Variants in SGCZ observed in about 807,000 individuals in gnomAD.
The protein encoded by SGCZ is sarcoglycan zeta.
SGCZ carries 40 observed loss-of-function variants against 41.3 expected under a neutral mutation model. That is an observed-to-expected ratio of 0.97 (90% CI 0.75 to 1.26). The LOEUF is 1.26. Among genes scored for constraint, SGCZ ranks in the 50% most tolerant of loss-of-function variants. The probability of loss-of-function intolerance (pLI) is 0.00; values close to 1 mark genes in which losing one functional copy is unlikely to be tolerated. For missense variants in SGCZ, 552 were observed against 369.8 expected, an observed-to-expected ratio of 1.49 and a Z score of -4.04; for synonymous variants, 206 against 137.5, an observed-to-expected ratio of 1.50 and a Z score of -3.49.
intron 2 of SGCZ, among the ~76,000 whole-genome samples, chr8:14,368,137 T>A (rs1042002935): frequency 6.6e-6 from 1 of 152,018 alleles, no homozygotes; most frequent in African/African-American, 2.4e-5. Context: ...TGGACATGAG[T>A]GTGCTTCTAA....
At chr8:14,347,767 T>C (rs1490895790) in intron 2 of SGCZ, among the ~76,000 whole-genome samples, 1 of 152,088 alleles carries the variant, frequency 6.6e-6, no homozygotes, top group African/African-American at 2.4e-5. Context: ...GGAAAGAACA[T>C]CAATGAGATT....
At chr8:14,417,146 G>C (rs1322112657) in intron 2 of SGCZ, among the ~76,000 whole-genome samples, 2 of 151,798 alleles carry the variant, frequency 1.3e-5, no homozygotes, top group Non-Finnish European at 2.9e-5. Flanking sequence ...AGACTTCTTA[G>C]AGATAAAACT....
chr8:14,414,778 C>T lies in SGCZ; in HGVS notation c.235-90574G>A, dbSNP rs189619148. Among the ~76,000 whole-genome samples the T allele has an allele frequency of 3.3e-5, 5 of 151,858 alleles. No homozygotes were observed. In the East Asian group the frequency reaches 9.7e-4, roughly 29 times the overall value. ...GGCTTCTAATTAGGACATGAAGAGACAGGTAAATAAAGCCATATGTTAGTA... is the reference window on the plus strand; with the variant it reads ...GGCTTCTAATTAGGACATGAAGAGATAGGTAAATAAAGCCATATGTTAGTA... On this transcript the variant is annotated intron_variant, in intron 2 of 7. Coordinates refer to ENST00000382080, the MANE Select transcript of SGCZ (RefSeq NM_139167.4).
chr8:14,810,027 G>C (rs1474776365), intron 1 of SGCZ, among the ~76,000 whole-genome samples: 3 of 151,978 alleles, frequency 2.0e-5, no homozygotes, highest in Admixed American at 2.0e-4. Flanking sequence ...TCAAGAAAAA[G>C]TATATCTTTT....
intron 4 of SGCZ, among the ~76,000 whole-genome samples, chr8:14,180,941 T>G (rs1804704138): frequency 6.6e-6 from 1 of 151,810 alleles, no homozygotes; most frequent in Non-Finnish European, 1.5e-5. Context: ...CTATACTTGA[T>G]AGAAATCTAA....
chr8:14,923,504 C>G (rs1050625765), intron 1 of SGCZ, among the ~76,000 whole-genome samples: 1 of 152,142 alleles, frequency 6.6e-6, no homozygotes, highest in Non-Finnish European at 1.5e-5. Context: ...TTTTTTTACA[C>G]AGTTACGAAA....
intron 1 of SGCZ, among the ~76,000 whole-genome samples, chr8:14,997,015 T>C (rs1802242177): frequency 6.6e-6 from 1 of 152,232 alleles, no homozygotes; most frequent in Admixed American, 6.5e-5. Context: ...AGTTATGTTG[T>C]GGGATTTCTC....
intron 1 of SGCZ, among the ~76,000 whole-genome samples, chr8:14,916,322 T>A (rs1016398885): frequency 1.9e-4 from 29 of 152,056 alleles, no homozygotes; most frequent in Admixed American, 2.0e-4. Flanking sequence ...AAAACCCAAA[T>A]CACATTTCTT....
intron 1 of SGCZ, among the ~76,000 whole-genome samples, chr8:15,217,049 C>CT (rs1352613191): frequency 6.2e-4 from 94 of 150,684 alleles, no homozygotes; most frequent in African/African-American, 2.1e-3. Flanking sequence ...CGCTTATATT[C>CT]TTAAAAAAAA....
At chr8:14,288,840 T>A (rs1800739367) in intron 3 of SGCZ, among the ~76,000 whole-genome samples, 1 of 152,180 alleles carries the variant, frequency 6.6e-6, no homozygotes, top group Non-Finnish European at 1.5e-5. Context: ...TTCTTATCTT[T>A]TGGATGACTG....
Position 15,142,743 on chromosome 8 carries a change from C to T in SGCZ, c.39+94842G>A, listed in dbSNP as rs374465828. On this transcript the variant is annotated intron_variant, in intron 1 of 7. Transcript: ENST00000382080. ...CCTCCAACCTCAGCCTCCCGAGTAG[C>T]TGGGCCTACAGGCACACATCACCGC... Among the ~76,000 whole-genome samples, 7 of 151,564 alleles carry T rather than the reference C, an allele frequency of 4.6e-5. No homozygotes were observed. In the East Asian group the frequency reaches 1.4e-3, roughly 30 times the overall value.
At chr8:14,440,490 A>G (rs2117365859) in intron 2 of SGCZ, among the ~76,000 whole-genome samples, 1 of 152,122 alleles carries the variant, frequency 6.6e-6, no homozygotes. Context: ...TGTGTTTACC[A>G]CAACAATTTA....
intron 2 of SGCZ, among the ~76,000 whole-genome samples, chr8:14,340,138 T>C (rs182526778): frequency 6.6e-6 from 1 of 152,242 alleles, no homozygotes; most frequent in East Asian, 1.9e-4. Flanking sequence ...TTGTTTCAAT[T>C]CTGTTTTTTT....
chr8:14,492,675 T>C (rs1793127048), intron 2 of SGCZ, among the ~76,000 whole-genome samples: 1 of 152,190 alleles, frequency 6.6e-6, no homozygotes, highest in African/African-American at 2.4e-5. Context: ...CTGCTACCAC[T>C]TTCACCATCT....
chr8:15,190,078 C>T (rs1433797919), intron 1 of SGCZ, among the ~76,000 whole-genome samples: 2 of 152,126 alleles, frequency 1.3e-5, no homozygotes, highest in African/African-American at 2.4e-5. Context: ...CCCAATTCTG[C>T]ATATGCCAGG....
chr8:14,757,130 C>A (rs1257824660), intron 1 of SGCZ, among the ~76,000 whole-genome samples: 2 of 152,136 alleles, frequency 1.3e-5, no homozygotes, highest in Non-Finnish European at 2.9e-5. Context: ...CCCACTGCAA[C>A]CTCAGCCTAC....
intron 4 of SGCZ, among the ~76,000 whole-genome samples, chr8:14,192,907 G>A (rs150174532): frequency 1.3e-5 from 2 of 152,100 alleles, no homozygotes; most frequent in Admixed American, 6.6e-5. Context: ...TACATTATAT[G>A]TTTATGATTG....
At chr8:14,388,060 A>T (rs1804637519) in intron 2 of SGCZ, among the ~76,000 whole-genome samples, 1 of 152,282 alleles carries the variant, frequency 6.6e-6, no homozygotes, top group Admixed American at 6.5e-5. Context: ...TAGTAGGAGT[A>T]AGATATTCAG....
In SGCZ at chr8:14,629,763, C is replaced by T. The variant is rs893091521; in HGVS notation, c.40-74837G>A. 7.2e-5 allele frequency among the ~76,000 whole-genome samples: 11 copies of T among 151,920 alleles called. No individual in the cohort carries two copies. In the South Asian group the frequency reaches 1.0e-3, roughly 14 times the overall value. ...AAACTGAAATCTATGGGTTTATGAG[C>T]GTAACAATCTGGAAAATCATGTTAA... On this transcript the variant is annotated intron_variant, in intron 1 of 7. Transcript: ENST00000382080.
Sources: gnomAD v4.1 joint callset for allele counts (sites outside exome capture counted in the v4.1 genomes callset) on GRCh38, gnomAD v4.1.1 for gene constraint, MANE v1.5 for transcripts, NCBI Gene and HGNC (gene_info 2026-07-23, HGNC 2026-07-21) for gene names.